The following ADAP1 variants were observed in gnomAD, a reference collection of about 807,000 sequenced individuals.
ADAP1 encodes ArfGAP with dual PH domains 1.
A neutral mutation model predicts 54.9 loss-of-function variants in ADAP1; 31 were observed. The ratio of observed to expected loss-of-function variants is 0.56; its 90% CI spans 0.42 to 0.76. ADAP1 has a LOEUF of 0.76. ADAP1 is among the 30% of genes least tolerant of loss of function. The probability of loss-of-function intolerance (pLI) is 0.00; values close to 1 mark genes in which losing one functional copy is unlikely to be tolerated. For synonymous variants in ADAP1, 313 were observed against 202.6 expected (o/e 1.55, Z -4.63); for missense variants, 535 against 512.4 (o/e 1.04, Z -0.42).
At chr7:914,267 C>G (rs555086482) in intron 4 of ADAP1, among the ~76,000 whole-genome samples, 1,608 of 152,328 alleles carry the variant, frequency 0.011, 26 homozygotes, top group African/African-American at 0.037. Flanking sequence ...GTGTGGCAGG[C>G]CCTTCCCAAG....
intron 2 of ADAP1, among the ~76,000 whole-genome samples, chr7:934,843 G>A (rs1846698399): frequency 6.6e-6 from 1 of 152,210 alleles, no homozygotes; most frequent in African/African-American, 2.4e-5. Flanking sequence ...GCTCCGTGAA[G>A]CCTCATCAGA....
chr7:924,294 ACAGCGGGTCCACG>A (rs1388919396), intron 3 of ADAP1, among the ~76,000 whole-genome samples: 348 of 62,536 alleles, frequency 5.6e-3, no homozygotes, highest in Middle Eastern at 0.011. Context: ...TCCAGGTTAC[ACAGCGGGTCCACG>A]CTGCACCCCT....
intron 4 of ADAP1, among the ~76,000 whole-genome samples, chr7:918,502 C>T (rs1039491241): frequency 3.3e-5 from 5 of 152,194 alleles, no homozygotes; most frequent in East Asian, 1.9e-4. Flanking sequence ...ACACGGCTCC[C>T]GACCTCGTGT....
chr7:910,005 C>G (rs908106014), intron 4 of ADAP1, among the ~76,000 whole-genome samples: 1 of 152,194 alleles, frequency 6.6e-6, no homozygotes, highest in Non-Finnish European at 1.5e-5. Flanking sequence ...CACCGCACGG[C>G]TAAGAGCAGG....
intron 1 of ADAP1, among the ~76,000 whole-genome samples, chr7:935,751 C>A (rs1226353484): frequency 4.6e-5 from 7 of 152,202 alleles, no homozygotes; most frequent in African/African-American, 1.7e-4. Flanking sequence ...TCTGCATGCA[C>A]CTGCTCTGCC....
Position 938,990 on chromosome 7 carries a change from C to A in ADAP1, c.83-3485G>T, listed in dbSNP as rs1317343082. ...CCGGGACAGGCTGTCCCTCTCCTGG[C>A]CTGGAAGGAGGCCTGTTCACAGAAC... On this transcript the variant is annotated intron_variant, in intron 1 of 10. Coordinates refer to ENST00000265846, the MANE Select transcript of ADAP1 (RefSeq NM_006869.4). The surrounding 1 kb of genome is among the most constrained non-coding windows in gnomAD (Gnocchi z 4.4). Among the ~76,000 whole-genome samples, 1 of 152,094 alleles carries A rather than the reference C, an allele frequency of 6.6e-6. No homozygotes were observed. Among genetic ancestry groups the A allele is most frequent in the Non-Finnish European group, 1.5e-5 (1 of 67,992 alleles).
intron 1 of ADAP1, among the ~76,000 whole-genome samples, chr7:947,214 GTTT>G (rs373444087): frequency 9.5e-5 from 8 of 84,174 alleles, no homozygotes; most frequent in Non-Finnish European, 1.3e-4. Context: ...TGATTTTTTG[GTTT>G]TTTTTTTTTT....
chr7:901,212 CCCA>C (rs1328767828), intron 6 of ADAP1: 11 of 358,854 alleles, frequency 3.1e-5, no homozygotes, highest in East Asian at 3.0e-4. Flanking sequence ...GGCACCCAGC[CCCA>C]CGTCGGGTGC....
intron 2 of ADAP1, among the ~76,000 whole-genome samples, chr7:932,249 C>T (rs1359710488): frequency 8.5e-5 from 13 of 152,194 alleles, no homozygotes; most frequent in African/African-American, 2.4e-4. Context: ...GTAATACCCA[C>T]GGTGGGCCCT....
chr7:935,417 C>G lies in ADAP1; in HGVS notation c.171G>C (p.Val57=), dbSNP rs1846721792. ...CCCAGGCGTCCAGGCGGACGGACTTCACCTTGCTGACCTGGGGGATATTCC... is the reference window on the plus strand; with the variant it reads ...CCCAGGCGTCCAGGCGGACGGACTTGACCTTGCTGACCTGGGGGATATTCC... ...IHRNIPQVSK[V]KSVRLDAWEE... Residue 57 remains valine (V), a synonymous_variant, in exon 2 of 11, where the codon GTG becomes GTC. Coordinates refer to ENST00000265846, the MANE Select transcript of ADAP1 (RefSeq NM_006869.4). 1 of 1,561,132 alleles carries G rather than the reference C, an allele frequency of 6.4e-7. No homozygotes were observed.
intron 6 of ADAP1, chr7:901,020 G>C: frequency 2.1e-6 from 1 of 476,378 alleles, no homozygotes; most frequent in Non-Finnish European, 4.3e-6. Flanking sequence ...TTATTTTGTA[G>C]CTCAAGCAAG....
intron 1 of ADAP1, among the ~76,000 whole-genome samples, chr7:939,881 G>T (rs113691831): frequency 1.2e-3 from 179 of 151,974 alleles, no homozygotes; most frequent in African/African-American, 4.3e-3. Context: ...AAAAATGGGG[G>T]TGGCACAGAT....
intron 4 of ADAP1, among the ~76,000 whole-genome samples, chr7:910,720 C>CT (rs1284581782): frequency 1.3e-5 from 2 of 152,220 alleles, no homozygotes; most frequent in Non-Finnish European, 2.9e-5. Context: ...GTGGTGGACC[C>CT]TCTGGGGTGG....
Position 926,479 on chromosome 7 carries a change from C to A in ADAP1, c.305+74G>T. On this transcript the variant is annotated intron_variant, in intron 3 of 10. Transcript: ENST00000265846. The surrounding 1 kb of genome is among the most constrained non-coding windows in gnomAD (Gnocchi z 4.6). ...GGGCGGCACCCAACTCCCCACCCTGCCGGGTCCTCCCGGGGCCATCTCGGA... is the reference window on the plus strand; with the variant it reads ...GGGCGGCACCCAACTCCCCACCCTGACGGGTCCTCCCGGGGCCATCTCGGA... The A allele has an allele frequency of 7.5e-7, 1 of 1,341,530 alleles. No homozygotes were observed. The highest frequency in any genetic ancestry group is 1.0e-6 in the Non-Finnish European group (1 of 1,002,646). 83.1% of individuals were successfully genotyped at this position (1,341,530 alleles called of 1,614,324 possible). A position where few individuals can be genotyped will look rare whatever the true frequency, so the allele number is the denominator to read the frequency against.
At position 946,292 on chromosome 7, in the gene ADAP1, G is replaced by A. The variant is rs2128111977; in HGVS notation, c.82+8104C>T. Reference sequence around the variant, plus strand: ...CCCCGCCAGCGAGGCAGTGACCTCTGGAGCTCCTGGGTGGGCTGGCAGCCC... The same window carrying A: ...CCCCGCCAGCGAGGCAGTGACCTCTAGAGCTCCTGGGTGGGCTGGCAGCCC... On this transcript the variant is annotated intron_variant, in intron 1 of 10. Coordinates refer to ENST00000265846, the MANE Select transcript of ADAP1 (RefSeq NM_006869.4). This position sits in a 1 kb window ranked among gnomAD's most constrained non-coding sequence, Gnocchi z 4.3. 6.6e-6 allele frequency among the ~76,000 whole-genome samples: 1 copy of A among 152,230 alleles called. No homozygotes were observed.
At chr7:930,434 TTGGGAGGC>T (rs1846532957) in intron 2 of ADAP1, among the ~76,000 whole-genome samples, 1 of 10,958 alleles carries the variant, frequency 9.1e-5, no homozygotes, top group Non-Finnish European at 1.4e-4. Context: ...TCCCAGCACT[TTGGGAGGC>T]CAAGGCGGGC....
chr7:922,924 TC>T (rs1457999560), intron 3 of ADAP1: 47 of 118,774 alleles, frequency 4.0e-4, no homozygotes, highest in African/African-American at 1.3e-3. Context: ...CGCGACCCCA[TC>T]CTACTGGGAG....
intron 4 of ADAP1, among the ~76,000 whole-genome samples, chr7:912,914 T>C (rs1845782446): frequency 6.6e-6 from 1 of 152,176 alleles, no homozygotes; most frequent in Non-Finnish European, 1.5e-5. Context: ...AGTGGTGCAA[T>C]CACAGCTCAC....
rs969943884 is a variant in ADAP1 at position 937,051 on chromosome 7, C to T, written c.83-1546G>A. Among the ~76,000 whole-genome samples, 28 of 149,712 alleles carry T rather than the reference C, an allele frequency of 1.9e-4. No individual in the cohort carries two copies. In the East Asian group the frequency reaches 4.7e-3, roughly 25 times the overall value. ...GCGTGAGAACCAGCAGGCTGAACCTCGGATTTGGGGGTCATGCCCGGCCTC... is the reference window on the plus strand; with the variant it reads ...GCGTGAGAACCAGCAGGCTGAACCTTGGATTTGGGGGTCATGCCCGGCCTC... On this transcript the variant is annotated intron_variant, in intron 1 of 10. Coordinates refer to ENST00000265846, the MANE Select transcript of ADAP1 (RefSeq NM_006869.4).
Sources: gnomAD v4.1 joint callset for allele counts (sites outside exome capture counted in the v4.1 genomes callset) on GRCh38, gnomAD v4.1.1 for gene constraint, Gnocchi (gnomAD v3.1) non-coding constraint, MANE v1.5 for transcripts, NCBI Gene and HGNC (gene_info 2026-07-23, HGNC 2026-07-21) for gene names.